The following PCDHA11 variants were observed in gnomAD, a reference collection of about 807,000 sequenced individuals.
The protein encoded by PCDHA11 is protocadherin alpha 11.
A neutral mutation model predicts 70.3 loss-of-function variants in PCDHA11; 61 were observed. The observed-to-expected ratio is 0.87, with a 90% CI of 0.71 to 1.07. The LOEUF (loss-of-function observed/expected upper bound fraction) is 1.07, where lower values mean the gene tolerates loss of function less well. Among genes scored for constraint, PCDHA11 ranks in the 50% least tolerant of loss-of-function variants. The pLI is 0.00. For synonymous variants in PCDHA11, 633 were observed against 555.1 expected, an observed-to-expected ratio of 1.14 and a Z score of -1.97; for missense variants, 1,324 against 1,237.5, an observed-to-expected ratio of 1.07 and a Z score of -1.05.
chr5:140,898,407 C>T (rs556061781), intron 1 of PCDHA11, among the ~76,000 whole-genome samples: 90 of 152,094 alleles, frequency 5.9e-4, no homozygotes, highest in Middle Eastern at 3.4e-3. Flanking sequence ...TTTCTACATA[C>T]GGCTAGCCAG....
At chr5:140,930,003 A>G (rs1440351209) in intron 1 of PCDHA11, 1 of 152,218 alleles carries the variant, frequency 6.6e-6, no homozygotes, top group Non-Finnish European at 1.5e-5. Flanking sequence ...ACCCTAAAAC[A>G]TAGCTGATAG....
At chr5:140,893,229 G>A (rs922723551) in intron 1 of PCDHA11, among the ~76,000 whole-genome samples, 3 of 152,212 alleles carry the variant, frequency 2.0e-5, no homozygotes, top group Non-Finnish European at 4.4e-5. Context: ...GTATCACTTT[G>A]ACATACTGGT....
intron 1 of PCDHA11, among the ~76,000 whole-genome samples, chr5:140,975,553 G>A (rs990389718): frequency 6.6e-6 from 1 of 152,226 alleles, no homozygotes; most frequent in Non-Finnish European, 1.5e-5. Flanking sequence ...TATTAGGAAG[G>A]AAAAGGAGAT....
intron 1 of PCDHA11, among the ~76,000 whole-genome samples, chr5:140,973,765 G>A (rs1326498499): frequency 6.6e-6 from 1 of 152,230 alleles, no homozygotes; most frequent in African/African-American, 2.4e-5. Context: ...GACACAGCCT[G>A]GCATATTATA....
At chr5:140,871,802 T>G (rs2053316499) in intron 1 of PCDHA11, among the ~76,000 whole-genome samples, 1 of 152,178 alleles carries the variant, frequency 6.6e-6, no homozygotes, top group South Asian at 2.1e-4. Context: ...TAATTACTAT[T>G]TTCACTAAAG....
In PCDHA11 at chr5:140,869,296, C is replaced by A; in HGVS notation, c.193C>A (p.Arg65=). The change falls in exon 1 of 4, where the codon CGG becomes AGG. Residue 65 remains arginine (R), a synonymous_variant. Coordinates refer to ENST00000398640, the MANE Select transcript of PCDHA11 (RefSeq NM_018902.5). ...ELAELVQRLF[R]VASKTHGDLL... ...GGCGGAGCTGGTGCAGCGCCTGTTC[C>A]GGGTGGCGTCCAAAACACATGGGGA... is the stretch of plus-strand genomic sequence containing the variant. The A allele has an allele frequency of 6.2e-7, 1 of 1,613,602 alleles. No homozygotes were observed. Among genetic ancestry groups the A allele is most frequent in the Non-Finnish European group, 8.5e-7 (1 of 1,179,980 alleles).
At chr5:140,926,772 G>A in intron 1 of PCDHA11, 1 of 1,380,738 alleles carries the variant, frequency 7.2e-7, no homozygotes, top group Non-Finnish European at 9.4e-7. Context: ...CCAGCCCGCA[G>A]CAGTGACGGC....
At chr5:140,872,131 A>G (rs2053496652) in intron 1 of PCDHA11, among the ~76,000 whole-genome samples, 1 of 152,148 alleles carries the variant, frequency 6.6e-6, no homozygotes, top group African/African-American at 2.4e-5. Context: ...TATCAAAGCT[A>G]GAATACTCCA....
Position 140,978,996 on chromosome 5 carries a change from A to T in PCDHA11, c.2439A>T (p.Ala813=), listed in dbSNP as rs2096831053. The change falls in exon 2 of 4, where the codon GCA becomes GCT. Residue 813 remains alanine, a synonymous_variant. Coordinates refer to ENST00000398640, the MANE Select transcript of PCDHA11 (RefSeq NM_018902.5). ...GGCGTTACTCTGCCTCCCTGAGAGC[A>T]GGCATGCACAGGTATGTATTTCCCT... ...PDWRYSASLR[A]GMHSSVHLEE... 1 of 1,614,186 alleles carries T rather than the reference A, an allele frequency of 6.2e-7. No individual in the cohort carries two copies.
At chr5:140,900,941 C>T (rs1241522274) in intron 1 of PCDHA11, among the ~76,000 whole-genome samples, 1 of 152,140 alleles carries the variant, frequency 6.6e-6, no homozygotes, top group African/African-American at 2.4e-5. Flanking sequence ...TTTTGATTTG[C>T]ATTTCTCTGA....
At chr5:140,943,376 C>G (rs2093486935) in intron 1 of PCDHA11, among the ~76,000 whole-genome samples, 1 of 150,084 alleles carries the variant, frequency 6.7e-6, no homozygotes, top group Non-Finnish European at 1.5e-5. Flanking sequence ...TTAAAATATA[C>G]AGGTAAGAAA....
At chr5:140,987,444 C>T (rs2097254283) in intron 3 of PCDHA11, among the ~76,000 whole-genome samples, 2 of 151,998 alleles carry the variant, frequency 1.3e-5, no homozygotes, top group Admixed American at 6.6e-5. Flanking sequence ...TCCCCATGCC[C>T]GAGAGATAAT....
chr5:140,875,216 A>T, intron 1 of PCDHA11: 1 of 717,612 alleles, frequency 1.4e-6, no homozygotes, highest in East Asian at 3.2e-5. Flanking sequence ...ACCGAAAAGA[A>T]CCTCAGGATC....
intron 1 of PCDHA11, among the ~76,000 whole-genome samples, chr5:140,971,815 A>G (rs988959952): frequency 3.2e-4 from 49 of 152,166 alleles, no homozygotes; most frequent in African/African-American, 1.1e-3. Flanking sequence ...TATTGAATAC[A>G]TATATGATTT....
In PCDHA11 at chr5:140,980,207, CT is replaced by C. The variant is rs2096880359; in HGVS notation, c.2450+1204del. Among the ~76,000 whole-genome samples, 4 of 152,182 alleles carry C rather than the reference CT, an allele frequency of 2.6e-5. No individual in the cohort carries two copies. In the South Asian group the frequency reaches 8.3e-4, roughly 31 times the overall value. On this transcript the variant is annotated intron_variant, in intron 2 of 3. Coordinates refer to ENST00000398640, the MANE Select transcript of PCDHA11 (RefSeq NM_018902.5). ...TATATTTATTAGAGACCAACTTGTGCTTTTGCCTGCATCTGAGCTGTTGGTG... is the reference window on the plus strand; with the variant it reads ...TATATTTATTAGAGACCAACTTGTGCTTTGCCTGCATCTGAGCTGTTGGTG...
chr5:140,998,743 T>A (rs2097832293), intron 3 of PCDHA11, among the ~76,000 whole-genome samples: 1 of 152,138 alleles, frequency 6.6e-6, no homozygotes, highest in Non-Finnish European at 1.5e-5. Flanking sequence ...TTTGTATTTT[T>A]AGAAGAGACA....
intron 3 of PCDHA11, among the ~76,000 whole-genome samples, chr5:140,986,380 G>T (rs1554247980): frequency 6.6e-6 from 1 of 152,130 alleles, no homozygotes; most frequent in African/African-American, 2.4e-5. Flanking sequence ...TGGGGGGAGG[G>T]ACATTAAAGG....
At chr5:140,897,120 C>G (rs116233032) in intron 1 of PCDHA11, among the ~76,000 whole-genome samples, 4 of 152,134 alleles carry the variant, frequency 2.6e-5, no homozygotes, top group African/African-American at 9.7e-5. Context: ...TCTGTCCACA[C>G]CCCACTAAAC....
chr5:140,929,307 C>A, intron 1 of PCDHA11: 1 of 1,570,164 alleles, frequency 6.4e-7, no homozygotes, highest in Non-Finnish European at 8.7e-7. Flanking sequence ...AAGGGGATCA[C>A]GCTAATGTCA....
Sources: allele counts gnomAD v4.1 joint callset (sites outside exome capture counted in the v4.1 genomes callset), GRCh38; gene constraint gnomAD v4.1.1; transcripts MANE v1.5; gene names NCBI Gene and HGNC (gene_info 2026-07-23, HGNC 2026-07-21).